The following CCDC91 variants were observed in gnomAD, a reference collection of about 807,000 sequenced individuals.
CCDC91 encodes coiled-coil domain containing 91.
CCDC91 carries 48 observed loss-of-function variants against 63.2 expected under a neutral mutation model. That is an observed-to-expected ratio of 0.76 (90% CI 0.60 to 0.97). CCDC91 has a LOEUF of 0.97. Ranked by LOEUF, CCDC91 falls within the 50% of genes least tolerant of loss-of-function variation. CCDC91 has a pLI of 0.00. For synonymous variants in CCDC91, 167 were observed against 165.8 expected, an observed-to-expected ratio of 1.01 and a Z score of -0.06; for missense variants, 500 against 494.6, an observed-to-expected ratio of 1.01 and a Z score of -0.10.
intron 8 of CCDC91, among the ~76,000 whole-genome samples, chr12:28,426,185 A>G (rs1948306423): frequency 6.6e-6 from 1 of 151,940 alleles, no homozygotes; most frequent in Non-Finnish European, 1.5e-5. Context: ...ATAATTCTGA[A>G]CCTCTTCTAT....
intron 1 of CCDC91, among the ~76,000 whole-genome samples, chr12:28,213,576 A>C (rs1461113062): frequency 6.6e-6 from 1 of 152,228 alleles, no homozygotes; most frequent in Non-Finnish European, 1.5e-5. Flanking sequence ...CCATCATGAA[A>C]GGGACAGTGT....
rs116320378 is a variant in CCDC91 at position 28,415,526 on chromosome 12, C to T, written c.762+24115C>T. 4.4e-3 allele frequency among the ~76,000 whole-genome samples: 662 copies of T among 151,992 alleles called. 8 individuals carry two copies. Among genetic ancestry groups the T allele is most frequent in the African/African-American group, 0.013 (555 of 41,444 alleles). On this transcript the variant is annotated intron_variant, in intron 8 of 12. Transcript: ENST00000536442. ...TGAGCCACTGTGCCCGGCTGTAAAG[C>T]GGATTTTAAAATGAGTAGTTAAAAG...
rs145583543 is a variant in CCDC91, at chr12:28,386,471, C to T, written c.655-4833C>T. ...GTAACCTCTGCCTCCCGGGTTCAAG[C>T]GATTCTCCTGCCTGAGCCTCCTGAG... On this transcript the variant is annotated intron_variant, in intron 7 of 12. Transcript: ENST00000536442. Among the ~76,000 whole-genome samples, 1,410 of 152,178 alleles carry T rather than the reference C, an allele frequency of 9.3e-3. 27 individuals carry two copies. Among genetic ancestry groups the T allele is most frequent in the African/African-American group, 0.032 (1,337 of 41,524 alleles).
rs75715035 is a variant in CCDC91, at chr12:28,445,321, A to G, written c.763-4840A>G. Among the ~76,000 whole-genome samples, 959 of 152,262 alleles carry G rather than the reference A, an allele frequency of 6.3e-3. 2 individuals carry two copies. Among genetic ancestry groups the G allele is most frequent in the Non-Finnish European group, 0.011 (751 of 68,014 alleles). On this transcript the variant is annotated intron_variant, in intron 8 of 12. Transcript: ENST00000536442. ...TCCTACCTCTTAGTCCCCCTCCCCC[A>G]CAAAAAACCCCAGATCAGTAAAATG...
chr12:28,527,934 C>T (rs11049695), intron 12 of CCDC91, among the ~76,000 whole-genome samples: 58,197 of 151,666 alleles, frequency 0.38, 11,519 homozygotes, highest in South Asian at 0.46. Flanking sequence ...AATGGCTGGT[C>T]TCACTCCCAC....
At chr12:28,461,635 A>C (rs1950316328) in intron 11 of CCDC91, among the ~76,000 whole-genome samples, 1 of 152,032 alleles carries the variant, frequency 6.6e-6, no homozygotes, top group Admixed American at 6.6e-5. Context: ...ATGATAATAT[A>C]CCTGACCATT....
intron 12 of CCDC91, among the ~76,000 whole-genome samples, chr12:28,486,076 G>A (rs1432214789): frequency 2.0e-5 from 3 of 152,072 alleles, no homozygotes; most frequent in Non-Finnish European, 4.4e-5. Flanking sequence ...GTACAGCAGA[G>A]CTTTAGAACG....
intron 1 of CCDC91, among the ~76,000 whole-genome samples, chr12:28,227,103 G>A (rs1356808438): frequency 3.9e-5 from 6 of 152,110 alleles, no homozygotes. Context: ...ACTTATCATT[G>A]TTAAGCTGTG....
chr12:28,236,729 T>G (rs1944974558), intron 1 of CCDC91: 1 of 152,068 alleles, frequency 6.6e-6, no homozygotes, highest in African/African-American at 2.4e-5. Flanking sequence ...AAAATCGGGT[T>G]TATGGAAACA....
At chr12:28,429,142 T>G (rs1384699833) in intron 8 of CCDC91, among the ~76,000 whole-genome samples, 3 of 152,170 alleles carry the variant, frequency 2.0e-5, no homozygotes, top group Non-Finnish European at 2.9e-5. Flanking sequence ...AACTGTAACC[T>G]TGTTAAAGGA....
At chr12:28,227,547 C>G (rs963266961) in intron 1 of CCDC91, among the ~76,000 whole-genome samples, 11 of 151,922 alleles carry the variant, frequency 7.2e-5, no homozygotes, top group Non-Finnish European at 1.2e-4. Context: ...TGTCTAAGCC[C>G]AAACTAATTA....
At chr12:28,281,279 A>G (rs1948594742) in intron 3 of CCDC91, among the ~76,000 whole-genome samples, 2 of 152,214 alleles carry the variant, frequency 1.3e-5, no homozygotes, top group Admixed American at 6.5e-5. Flanking sequence ...GATACATGTT[A>G]TAAATAGTTA....
chr12:28,450,365 T>C lies in CCDC91; in HGVS notation c.871T>C (p.Cys291Arg). Residue 291 changes from cysteine (C) to arginine (R), a missense_variant, in exon 10 of 13, where the codon TGT becomes CGT. Transcript: ENST00000536442. ...CATTTGACAGGAAATATTGGAAAAG[T>C]GTTTGGAGGAAGAAAGGCAAAGAAA... The part of the protein sequence containing the change: ...SQEQKEILEK[C>R]LEEERQRNKE... The C allele has an allele frequency of 1.9e-6, 3 of 1,612,066 alleles. No homozygotes were observed. The highest frequency in any genetic ancestry group is 2.5e-6 in the Non-Finnish European group (3 of 1,178,454).
At chr12:28,496,674 C>T (rs1952300891) in intron 12 of CCDC91, among the ~76,000 whole-genome samples, 1 of 151,424 alleles carries the variant, frequency 6.6e-6, no homozygotes, top group African/African-American at 2.4e-5. Context: ...TAGAACAGAA[C>T]ATTAGCAATT....
intron 1 of CCDC91, among the ~76,000 whole-genome samples, chr12:28,218,741 G>GTA: frequency 1.3e-5 from 2 of 151,820 alleles, no homozygotes; most frequent in African/African-American, 2.4e-5. Context: ...ATGTATGTAT[G>GTA]TGTGTGTGTA....
chr12:28,476,236 C>T (rs1436193035), intron 11 of CCDC91, among the ~76,000 whole-genome samples: 2 of 152,072 alleles, frequency 1.3e-5, no homozygotes, highest in Non-Finnish European at 2.9e-5. Flanking sequence ...AAGCACTCCT[C>T]GGCAAATGCA....
chr12:28,340,091 T>A (rs895956335), intron 6 of CCDC91, among the ~76,000 whole-genome samples: 1 of 152,214 alleles, frequency 6.6e-6, no homozygotes, highest in Non-Finnish European at 1.5e-5. Context: ...AAAGAGCTTA[T>A]GTTTATTGAT....
At chr12:28,297,423 G>A (rs747606272) in intron 3 of CCDC91, among the ~76,000 whole-genome samples, 8 of 151,804 alleles carry the variant, frequency 5.3e-5, no homozygotes, top group Non-Finnish European at 1.0e-4. Context: ...TGACTTGCTA[G>A]TTACCCTTAC....
intron 6 of CCDC91, among the ~76,000 whole-genome samples, chr12:28,357,512 T>C (rs566560629): frequency 3.3e-5 from 5 of 152,314 alleles, no homozygotes; most frequent in Admixed American, 1.3e-4. Flanking sequence ...TGAAATATGA[T>C]ATGTGATTCT....
Sources: gnomAD v4.1 joint callset for allele counts (sites outside exome capture counted in the v4.1 genomes callset) on GRCh38, gnomAD v4.1.1 for gene constraint, MANE v1.5 for transcripts, NCBI Gene and HGNC (gene_info 2026-07-23, HGNC 2026-07-21) for gene names.